Variants in STK32B observed in about 807,000 individuals in gnomAD.
STK32B encodes the protein serine/threonine-protein kinase 32B.
Under a neutral mutation model 52.6 loss-of-function variants are expected in STK32B, and 43 were observed. That is an observed-to-expected ratio of 0.82 (90% confidence interval 0.64 to 1.05). The LOEUF is 1.05. Ranked by LOEUF, STK32B falls within the 50% of genes least tolerant of loss-of-function variation. The probability of loss-of-function intolerance (pLI) is 0.00; values close to 1 mark genes in which losing one functional copy is unlikely to be tolerated. For synonymous variants in STK32B, 238 were observed against 204.3 expected (o/e 1.17, Z -1.41); for missense variants, 621 against 534.6 (o/e 1.16, Z -1.59).
At chr4:5,093,940 A>G (rs1183144370) in intron 1 of STK32B, among the ~76,000 whole-genome samples, 1 of 152,174 alleles carries the variant, frequency 6.6e-6, no homozygotes, top group East Asian at 1.9e-4. Flanking sequence ...AAAAAGTTGA[A>G]TTGCTTGATA....
At chr4:5,301,042 A>G (rs1390931740) in intron 3 of STK32B, among the ~76,000 whole-genome samples, 2 of 152,136 alleles carry the variant, frequency 1.3e-5, no homozygotes, top group Non-Finnish European at 2.9e-5. Context: ...TAAGATGATC[A>G]TATAAGTTTT....
chr4:5,194,192 A>C (rs1721462138), intron 3 of STK32B, among the ~76,000 whole-genome samples: 1 of 152,220 alleles, frequency 6.6e-6, no homozygotes, highest in South Asian at 2.1e-4. Context: ...TCCTCAGAAA[A>C]AAAATGTGAG....
chr4:5,343,641 A>G (rs1034956576), intron 4 of STK32B, among the ~76,000 whole-genome samples: 1 of 152,216 alleles, frequency 6.6e-6, no homozygotes, highest in South Asian at 2.1e-4. Flanking sequence ...AACCTAGGCA[A>G]TACCATTCAG....
chr4:5,054,055 A>G (rs1325805477), intron 1 of STK32B, among the ~76,000 whole-genome samples: 1 of 152,012 alleles, frequency 6.6e-6, no homozygotes, highest in Non-Finnish European at 1.5e-5. Flanking sequence ...TGCCCAGCCC[A>G]GTGAAACATT....
At chr4:5,321,031 G>A (rs1731452274) in intron 3 of STK32B, among the ~76,000 whole-genome samples, 1 of 152,106 alleles carries the variant, frequency 6.6e-6, no homozygotes, top group Admixed American at 6.5e-5. Flanking sequence ...TAGTTGAAGG[G>A]AAGGGTCTTT....
chr4:5,440,139 A>G (rs987178007), intron 6 of STK32B, among the ~76,000 whole-genome samples: 5 of 152,156 alleles, frequency 3.3e-5, no homozygotes, highest in African/African-American at 1.2e-4. Flanking sequence ...AATTCTGTGA[A>G]GAAAGTCTTT....
At position 5,396,040 on chromosome 4, in the gene STK32B, C is replaced by G. The variant is rs555862277; in HGVS notation, c.435-2167C>G. ...CTAGCTGCCCTTTGAGGTTTGCCCT[C>G]AACTCTATCAGCTCTCCTTCCACCG... On this transcript the variant is annotated intron_variant, in intron 4 of 11. Coordinates refer to ENST00000282908, the MANE Select transcript of STK32B (RefSeq NM_018401.3). The surrounding 1 kb of genome is among the most constrained non-coding windows in gnomAD (Gnocchi z 4.7). Among the ~76,000 whole-genome samples the G allele has an allele frequency of 1.3e-5, 2 of 152,364 alleles. No homozygotes were observed. Among genetic ancestry groups the G allele is most frequent in the African/African-American group, 2.4e-5 (1 of 41,598 alleles).
At position 5,378,410 on chromosome 4, in the gene STK32B, T is replaced by G. The variant is rs1389039128; in HGVS notation, c.435-19797T>G. 6.6e-6 allele frequency among the ~76,000 whole-genome samples: 1 copy of G among 152,210 alleles called. No homozygotes were observed. Among genetic ancestry groups the G allele is most frequent in the Non-Finnish European group, 1.5e-5 (1 of 68,044 alleles). On this transcript the variant is annotated intron_variant, in intron 4 of 11. Transcript: ENST00000282908. The surrounding 1 kb of genome is among the most constrained non-coding windows in gnomAD (Gnocchi z 4.4). Reference sequence around the variant, plus strand: ...GTGCCTGGGTCGTAGCCCTGGACTTTGCATTTTATTTTATTTTTTTCCTTT... The same window carrying G: ...GTGCCTGGGTCGTAGCCCTGGACTTGGCATTTTATTTTATTTTTTTCCTTT...
chr4:5,498,967 G>A lies in STK32B; in HGVS notation c.1129G>A (p.Gly377Ser). Residue 377 changes from glycine to serine, a missense_variant, in exon 12 of 12, where the codon GGC (glycine) becomes AGC (serine). Gly to Ser is a moderately conservative substitution (Grantham distance 56). Transcript: ENST00000282908. ...CAGGCTCAGGAGGCAGCAGGGACAG[G>A]GCAGCCAGCTCTTGGACACCGACAG... Reference protein sequence around the residue: ...REKLRRQQGQGSQLLDTDSRG... With the variant: ...REKLRRQQGQSSQLLDTDSRG... The A allele has an allele frequency of 6.2e-7, 1 of 1,613,520 alleles. No homozygotes were observed. Among genetic ancestry groups the A allele is most frequent in the Non-Finnish European group, 8.5e-7 (1 of 1,179,666 alleles).
At chr4:5,353,250 A>G (rs376856670) in intron 4 of STK32B, among the ~76,000 whole-genome samples, 1 of 152,286 alleles carries the variant, frequency 6.6e-6, no homozygotes, top group African/African-American at 2.4e-5. Context: ...ACAAAAAACA[A>G]CTCAAGGTGG....
intron 3 of STK32B, among the ~76,000 whole-genome samples, chr4:5,169,637 G>A (rs1367499091): frequency 1.3e-5 from 2 of 151,600 alleles, no homozygotes; most frequent in African/African-American, 4.8e-5. Flanking sequence ...TTGTCTGCTG[G>A]AGTCTCAGTA....
intron 3 of STK32B, among the ~76,000 whole-genome samples, chr4:5,256,147 G>C (rs1013981849): frequency 6.6e-6 from 1 of 151,990 alleles, no homozygotes; most frequent in African/African-American, 2.4e-5. Context: ...TAGAGATGCA[G>C]ATACTGAGCC....
At chr4:5,231,983 C>A (rs1724304834) in intron 3 of STK32B, among the ~76,000 whole-genome samples, 1 of 152,150 alleles carries the variant, frequency 6.6e-6, no homozygotes, top group Admixed American at 6.5e-5. Flanking sequence ...TTCCTTCCTT[C>A]ATTGAGAACA....
intron 3 of STK32B, among the ~76,000 whole-genome samples, chr4:5,228,793 C>G (rs1297231129): frequency 1.3e-5 from 2 of 152,020 alleles, no homozygotes; most frequent in Non-Finnish European, 2.9e-5. Flanking sequence ...CATGGCAAAC[C>G]CTGTCTCTAC....
chr4:5,334,277 T>C (rs1414856095), intron 4 of STK32B, among the ~76,000 whole-genome samples: 1 of 141,248 alleles, frequency 7.1e-6, no homozygotes, highest in Non-Finnish European at 1.5e-5. Flanking sequence ...GGCTCTCTGT[T>C]TGTCTGTTAT....
intron 3 of STK32B, among the ~76,000 whole-genome samples, chr4:5,197,832 G>T (rs1007584458): frequency 6.6e-6 from 1 of 152,062 alleles, no homozygotes; most frequent in South Asian, 2.1e-4. Flanking sequence ...AGATGTTTAG[G>T]TTCCTTGCTC....
intron 2 of STK32B, among the ~76,000 whole-genome samples, chr4:5,164,271 G>T (rs1018358619): frequency 1.3e-5 from 2 of 152,188 alleles, no homozygotes; most frequent in Admixed American, 6.5e-5. Flanking sequence ...TTCTGGTGCT[G>T]CTGGCCAGCC....
intron 3 of STK32B, among the ~76,000 whole-genome samples, chr4:5,242,464 A>T (rs530127698): frequency 6.6e-6 from 1 of 152,160 alleles, no homozygotes; most frequent in East Asian, 1.9e-4. Flanking sequence ...TTCATTGTAG[A>T]TTCTGGATAT....
chr4:5,451,576 A>G (rs1715997013), intron 7 of STK32B, among the ~76,000 whole-genome samples: 1 of 152,140 alleles, frequency 6.6e-6, no homozygotes. Context: ...TTTCTTATCT[A>G]TAAAATGGGG....
Sources: gnomAD v4.1 joint callset for allele counts (sites outside exome capture counted in the v4.1 genomes callset) on GRCh38, gnomAD v4.1.1 for gene constraint, Gnocchi (gnomAD v3.1) non-coding constraint, MANE v1.5 for transcripts, NCBI Gene and HGNC (gene_info 2026-07-23, HGNC 2026-07-21) for gene names.